SYNDIG1: variants seen among roughly 807,000 people sequenced by gnomAD.
The protein encoded by SYNDIG1 is synapse differentiation-inducing gene protein 1.
In SYNDIG1, 9 loss-of-function variants were observed where a neutral mutation model predicts 19.4. The observed-to-expected ratio is 0.46, with a 90% confidence interval of 0.28 to 0.81. The LOEUF is 0.81. Ranked by LOEUF, SYNDIG1 falls within the 30% of genes least tolerant of loss-of-function variation. The pLI is 0.12. For synonymous variants in SYNDIG1, 141 were observed against 145.9 expected, an observed-to-expected ratio of 0.97 and a Z score of 0.24; for missense variants, 311 against 343.3, an observed-to-expected ratio of 0.91 and a Z score of 0.74.
intron 1 of SYNDIG1, among the ~76,000 whole-genome samples, chr20:24,512,783 T>C (rs2056777460): frequency 6.6e-6 from 1 of 152,150 alleles, no homozygotes; most frequent in African/African-American, 2.4e-5. Flanking sequence ...AAGTAGTGGT[T>C]CTCCCAGCAC....
intron 3 of SYNDIG1, among the ~76,000 whole-genome samples, chr20:24,634,601 T>C (rs866514599): frequency 6.6e-6 from 1 of 152,260 alleles, no homozygotes; most frequent in Non-Finnish European, 1.5e-5. Context: ...TTGTGTTTCA[T>C]TGGTTACTAT....
At chr20:24,620,220 T>C (rs1027798454) in intron 3 of SYNDIG1, among the ~76,000 whole-genome samples, 2 of 152,248 alleles carry the variant, frequency 1.3e-5, no homozygotes, top group African/African-American at 4.8e-5. Flanking sequence ...TACCCATACA[T>C]GGTGGCATAA....
intron 3 of SYNDIG1, among the ~76,000 whole-genome samples, chr20:24,651,934 C>A (rs2059478041): frequency 6.6e-6 from 1 of 152,184 alleles, no homozygotes. Flanking sequence ...CTCAGGCACC[C>A]CAGGGCAGTC....
At chr20:24,547,389 C>T (rs559869812) in intron 2 of SYNDIG1, among the ~76,000 whole-genome samples, 1 of 152,230 alleles carries the variant, frequency 6.6e-6, no homozygotes, top group Non-Finnish European at 1.5e-5. Flanking sequence ...GGTTCTATGG[C>T]TAACTTTGAG....
chr20:24,502,707 C>G (rs1208554952), intron 1 of SYNDIG1, among the ~76,000 whole-genome samples: 10 of 152,206 alleles, frequency 6.6e-5, no homozygotes, highest in South Asian at 2.1e-4. Context: ...TGCTAATTTG[C>G]TTTTCTGGAT....
At position 24,661,488 on chromosome 20, in the gene SYNDIG1, G is replaced by GA. The variant is rs1568723233; in HGVS notation, c.619-3856dup. Among the ~76,000 whole-genome samples, 28 of 8,606 alleles carry GA rather than the reference G, an allele frequency of 3.3e-3. 1 individual carries two copies. The highest frequency in any genetic ancestry group is 5.3e-3 in the Admixed American group (4 of 758). The allele number at this position is 8,606 out of a possible 152,430, so 5.6% of individuals were successfully genotyped here. ...GAAGGAGGGAGGGAAGAGGGAGGAA[G>GA]AAGGGAGGGAGGGAAGAGGGAGGAA... On this transcript the variant is annotated intron_variant, in intron 3 of 3. Transcript: ENST00000376862.
At chr20:24,521,223 G>T (rs2056995611) in intron 1 of SYNDIG1, among the ~76,000 whole-genome samples, 1 of 152,158 alleles carries the variant, frequency 6.6e-6, no homozygotes, top group East Asian at 1.9e-4. Context: ...CTGTCAATGG[G>T]CGTTTTCATT....
rs562137154 is a variant in SYNDIG1 at position 24,658,018 on chromosome 20, A to G, written c.619-7328A>G. ...GTGTCTGGCGAGGGCATAACTGCTG[A>G]GGACCCCCAGCTGTGCTGGCCCCGG... On this transcript the variant is annotated intron_variant, in intron 3 of 3. Transcript: ENST00000376862. The surrounding 1 kb of genome is among the most constrained non-coding windows in gnomAD (Gnocchi z 4.4). 6.6e-6 allele frequency among the ~76,000 whole-genome samples: 1 copy of G among 152,296 alleles called. No homozygotes were observed. The highest frequency in any genetic ancestry group is 1.9e-4 in the East Asian group (1 of 5,178).
At chr20:24,578,806 T>G (rs994674513) in intron 2 of SYNDIG1, among the ~76,000 whole-genome samples, 1 of 152,176 alleles carries the variant, frequency 6.6e-6, no homozygotes, top group Non-Finnish European at 1.5e-5. Flanking sequence ...GAGACTGCTG[T>G]GAGCGCAAGG....
At chr20:24,576,744 C>CT (rs1480197603) in intron 2 of SYNDIG1, among the ~76,000 whole-genome samples, 1 of 152,154 alleles carries the variant, frequency 6.6e-6, no homozygotes, top group African/African-American at 2.4e-5. Flanking sequence ...TCAGCAGTGC[C>CT]TCAGGCCCTG....
chr20:24,587,195 C>T (rs531686862), intron 3 of SYNDIG1, among the ~76,000 whole-genome samples: 90 of 152,310 alleles, frequency 5.9e-4, no homozygotes, highest in African/African-American at 2.0e-3. Context: ...GTGTTGCCTT[C>T]ACTATGGGCG....
At chr20:24,601,910 A>T (rs4815283) in intron 3 of SYNDIG1, among the ~76,000 whole-genome samples, 66,075 of 151,764 alleles carry the variant, frequency 0.44, 15,087 homozygotes, top group African/African-American at 0.56. Flanking sequence ...TGCAGGTATG[A>T]TCATTAGGTA....
chr20:24,627,083 A>AGACCGTGGGGAGAGGGG (rs1371089821), intron 3 of SYNDIG1, among the ~76,000 whole-genome samples: 4 of 139,822 alleles, frequency 2.9e-5, no homozygotes, highest in Admixed American at 7.3e-5. Flanking sequence ...AGGGAGAGGG[A>AGACCGTGGGGAGAGGGG]GACCGTGGGG....
At chr20:24,647,665 G>C (rs1337534994) in intron 3 of SYNDIG1, among the ~76,000 whole-genome samples, 1 of 151,882 alleles carries the variant, frequency 6.6e-6, no homozygotes, top group East Asian at 1.9e-4. Flanking sequence ...AATAATCCCA[G>C]TTAAGAAGGC....
chr20:24,633,064 C>G (rs892506902), intron 3 of SYNDIG1, among the ~76,000 whole-genome samples: 1 of 152,062 alleles, frequency 6.6e-6, no homozygotes, highest in Non-Finnish European at 1.5e-5. Flanking sequence ...GACCTCCTCC[C>G]CCGAGGAAAA....
At chr20:24,590,204 G>C (rs2058484406) in intron 3 of SYNDIG1, among the ~76,000 whole-genome samples, 4 of 152,100 alleles carry the variant, frequency 2.6e-5, no homozygotes, top group Non-Finnish European at 4.4e-5. Flanking sequence ...GGAGCCCTTG[G>C]GGAGGAGCTT....
chr20:24,511,307 T>C (rs1156357108), intron 1 of SYNDIG1, among the ~76,000 whole-genome samples: 1 of 152,162 alleles, frequency 6.6e-6, no homozygotes, highest in Non-Finnish European at 1.5e-5. Flanking sequence ...TCACCACTTT[T>C]TATGTTAGTT....
At chr20:24,491,245 G>A (rs1263008455) in intron 1 of SYNDIG1, among the ~76,000 whole-genome samples, 2 of 152,234 alleles carry the variant, frequency 1.3e-5, no homozygotes, top group African/African-American at 4.8e-5. Context: ...CACAAGTGGT[G>A]ACTCGTGGAA....
intron 2 of SYNDIG1, among the ~76,000 whole-genome samples, chr20:24,547,981 C>G (rs770171161): frequency 1.3e-5 from 2 of 152,172 alleles, no homozygotes; most frequent in Non-Finnish European, 2.9e-5. Context: ...CACCTAGAAG[C>G]GGTGCCCATG....
Sources: gnomAD v4.1 joint callset for allele counts (sites outside exome capture counted in the v4.1 genomes callset) on GRCh38, gnomAD v4.1.1 for gene constraint, Gnocchi (gnomAD v3.1) non-coding constraint, MANE v1.5 for transcripts, NCBI Gene and HGNC (gene_info 2026-07-23, HGNC 2026-07-21) for gene names.